The following ZWILCH variants were observed in gnomAD, a reference collection of about 807,000 sequenced individuals.
The protein encoded by ZWILCH is zwilch kinetochore protein, also known as protein zwilch homolog.
In ZWILCH, 74 loss-of-function variants were observed where a neutral mutation model predicts 79.9. That is an observed-to-expected ratio of 0.93 (90% CI 0.77 to 1.12). The LOEUF (loss-of-function observed/expected upper bound fraction) is 1.12, where lower values mean the gene tolerates loss of function less well. Ranked by LOEUF, ZWILCH falls within the 50% of genes most tolerant of loss-of-function variation. The pLI is 0.00. For missense variants in ZWILCH, 694 were observed against 687.5 expected, an observed-to-expected ratio of 1.01 and a Z score of -0.11; for synonymous variants, 241 against 228.2, an observed-to-expected ratio of 1.06 and a Z score of -0.51.
At chr15:66,532,121 T>C (rs1450609224) in intron 12 of ZWILCH, 126 bp from the exon 13 acceptor site, 1 of 678,062 alleles carries the variant, frequency 1.5e-6, no homozygotes, top group African/African-American at 1.9e-5. Context: ...CAATTTATAG[T>C]GTTAGGAGAC....
chr15:66,505,332 G>A lies in ZWILCH; in HGVS notation c.-7G>A. The A allele has an allele frequency of 6.2e-7, 1 of 1,613,724 alleles. No homozygotes were observed. The highest frequency in any genetic ancestry group is 1.1e-5 in the South Asian group (1 of 91,056). ...CGGTTCCGGTACCGCTCTCACATTGGGGCGGGATGTGGGAGCGGCTGAACT... is the reference window on the plus strand; with the variant it reads ...CGGTTCCGGTACCGCTCTCACATTGAGGCGGGATGTGGGAGCGGCTGAACT... On this transcript the variant is annotated 5_prime_UTR_variant, in exon 1 of 19. Transcript: ENST00000307897.
chr15:66,517,440 A>ATATATATG (rs1894318114), intron 4 of ZWILCH, among the ~76,000 whole-genome samples: 1 of 92,034 alleles, frequency 1.1e-5, no homozygotes, highest in African/African-American at 3.2e-5. Flanking sequence ...GTATATATAT[A>ATATATATG]TATATATATA....
intron 15 of ZWILCH, 151 bp from the exon 16 acceptor site, chr15:66,537,017 G>C: frequency 4.5e-6 from 2 of 439,846 alleles, no homozygotes; most frequent in Middle Eastern, 6.2e-4. Context: ...TGTTGTGTTT[G>C]TTTGTTTACT....
At chr15:66,535,341 C>T (rs1387419056) in intron 14 of ZWILCH, among the ~76,000 whole-genome samples, 2 of 152,170 alleles carry the variant, frequency 1.3e-5, no homozygotes, top group Non-Finnish European at 2.9e-5. Flanking sequence ...TACAAAGTCA[C>T]TACTGGCGAG....
chr15:66,537,802 C>G (rs1895062419), intron 16 of ZWILCH, among the ~76,000 whole-genome samples: 1 of 152,144 alleles, frequency 6.6e-6, no homozygotes, highest in Admixed American at 6.5e-5. Context: ...CCTCATGACC[C>G]AGAGCTTCGT....
intron 1 of ZWILCH, chr15:66,505,652 TC>T: frequency 2.0e-6 from 1 of 511,592 alleles, no homozygotes; most frequent in Non-Finnish European, 3.4e-6. Flanking sequence ...ATTTATTCTT[TC>T]TGCTGATGGA....
At chr15:66,539,192 T>C (rs746134110) in intron 16 of ZWILCH, among the ~76,000 whole-genome samples, 3 of 151,966 alleles carry the variant, frequency 2.0e-5, no homozygotes, top group Non-Finnish European at 4.4e-5. Flanking sequence ...CTCACTCCTT[T>C]AAATGGTTAC....
At chr15:66,530,258 T>C (rs1261168882) in intron 12 of ZWILCH, among the ~76,000 whole-genome samples, 1 of 152,218 alleles carries the variant, frequency 6.6e-6, no homozygotes, top group Non-Finnish European at 1.5e-5. Context: ...CAATTGTATA[T>C]GAAGTTAACT....
At chr15:66,523,780 A>G (rs746312469) in intron 8 of ZWILCH, 32 bp downstream of exon 8, 1 of 1,522,860 alleles carries the variant, frequency 6.6e-7, no homozygotes, top group East Asian at 2.3e-5. Context: ...CTTTCCTTAA[A>G]TCTATGTTTT....
At chr15:66,535,874 T>G in intron 14 of ZWILCH, 59 bp from the exon 15 acceptor site, 5 of 1,493,932 alleles carry the variant, frequency 3.3e-6, no homozygotes, top group Non-Finnish European at 4.5e-6. Context: ...ACCTATATTC[T>G]TTACAAAGGT....
chr15:66,542,922 A>T (rs1447691599), intron 17 of ZWILCH, among the ~76,000 whole-genome samples: 1 of 152,218 alleles, frequency 6.6e-6, no homozygotes, highest in African/African-American at 2.4e-5. Context: ...ATTAGCAAAG[A>T]TCAAAAAGTT....
intron 8 of ZWILCH, 123 bp downstream of exon 8, chr15:66,523,871 GCT>G (rs1349099640): frequency 1.6e-6 from 1 of 631,150 alleles, no homozygotes; most frequent in African/African-American, 1.8e-5. Flanking sequence ...TCCATTAGAA[GCT>G]CTGACAGTTT....
Position 66,537,153 on chromosome 15 carries a change from A to G in ZWILCH, c.1479-15A>G. 1 of 1,604,090 alleles carries G rather than the reference A, an allele frequency of 6.2e-7. No individual in the cohort carries two copies. Among genetic ancestry groups the G allele is most frequent in the African/African-American group, 1.3e-5 (1 of 74,678 alleles). On this transcript the variant is annotated splice_polypyrimidine_tract_variant and intron_variant, in intron 15 of 18. Transcript: ENST00000307897. ...GGCTCTTTTTTCCAAAAGAGGTTCCATTTTGTTTTTTCAGGATCTGCATAA... is the reference window on the plus strand; with the variant it reads ...GGCTCTTTTTTCCAAAAGAGGTTCCGTTTTGTTTTTTCAGGATCTGCATAA...
intron 1 of ZWILCH, among the ~76,000 whole-genome samples, chr15:66,506,286 CT>C (rs1595899408): frequency 6.6e-6 from 1 of 152,168 alleles, no homozygotes; most frequent in Non-Finnish European, 1.5e-5. Flanking sequence ...ACTGGCATGT[CT>C]TGGACATCTT....
chr15:66,548,246 A>G (rs1895454421), intron 18 of ZWILCH, 105 bp from the exon 19 acceptor site: 2 of 318,582 alleles, frequency 6.3e-6, no homozygotes, highest in Admixed American at 4.3e-5. Context: ...ATATACATTC[A>G]TTATATACAG....
intron 11 of ZWILCH, 144 bp downstream of exon 11, chr15:66,529,101 G>A (rs1894781338): frequency 1.6e-6 from 1 of 637,348 alleles, no homozygotes; most frequent in African/African-American, 1.8e-5. Flanking sequence ...ATGACACATT[G>A]GTGCATTCTG....
At chr15:66,526,284 A>G (rs931065971) in intron 8 of ZWILCH, among the ~76,000 whole-genome samples, 4 of 152,092 alleles carry the variant, frequency 2.6e-5, no homozygotes, top group South Asian at 2.1e-4. Flanking sequence ...TGGTTTAGCT[A>G]CTATTTCTTC....
At chr15:66,542,580 G>C (rs949028528) in intron 17 of ZWILCH, among the ~76,000 whole-genome samples, 1 of 151,910 alleles carries the variant, frequency 6.6e-6, no homozygotes, top group Non-Finnish European at 1.5e-5. Flanking sequence ...GCAAGATTTC[G>C]TCTCAAAAAA....
At chr15:66,540,066 A>AT in intron 16 of ZWILCH, 32 bp from the exon 17 acceptor site, 1 of 1,555,234 alleles carries the variant, frequency 6.4e-7, no homozygotes, top group Non-Finnish European at 8.8e-7. Flanking sequence ...GTTTTTGAAA[A>AT]TTTTTCTTTT....
Sources: allele counts gnomAD v4.1 joint callset (sites outside exome capture counted in the v4.1 genomes callset), GRCh38; gene constraint gnomAD v4.1.1; transcripts MANE v1.5; gene names NCBI Gene and HGNC (gene_info 2026-07-23, HGNC 2026-07-21).